Variants in HCN1 observed in about 807,000 individuals in gnomAD.
HCN1 encodes the protein hyperpolarization activated cyclic nucleotide gated potassium channel 1.
In HCN1, 13 loss-of-function variants were observed where a neutral mutation model predicts 78.9. The ratio of observed to expected loss-of-function variants is 0.16; its 90% CI spans 0.11 to 0.26. HCN1 has a LOEUF of 0.26. Among genes scored for constraint, HCN1 ranks in the 10% least tolerant of loss-of-function variants. The pLI, the probability that HCN1 is intolerant of heterozygous loss-of-function variation, is 1.00. For missense variants in HCN1, 810 were observed against 1,154.3 expected (o/e 0.70, Z 4.32); for synonymous variants, 552 against 455.5 (o/e 1.21, Z -2.70).
intron 6 of HCN1, among the ~76,000 whole-genome samples, chr5:45,302,913 C>A (rs1745656492): frequency 6.6e-6 from 1 of 152,028 alleles, no homozygotes; most frequent in South Asian, 2.1e-4. Context: ...TGCCATGATT[C>A]TGAGGCCTCC....
At chr5:45,421,197 G>A (rs955122952) in intron 3 of HCN1, among the ~76,000 whole-genome samples, 1 of 151,970 alleles carries the variant, frequency 6.6e-6, no homozygotes, top group African/African-American at 2.4e-5. Flanking sequence ...TGAGTAGCTG[G>A]GACTACAGGC....
intron 2 of HCN1, among the ~76,000 whole-genome samples, chr5:45,547,442 T>G (rs1000219912): frequency 1.3e-5 from 2 of 151,946 alleles, no homozygotes; most frequent in Non-Finnish European, 2.9e-5. Flanking sequence ...CATTTACTAC[T>G]AGCGGAGTAT....
At chr5:45,372,140 A>G (rs535737109) in intron 4 of HCN1, among the ~76,000 whole-genome samples, 1 of 53,686 alleles carries the variant, frequency 1.9e-5, no homozygotes, top group Non-Finnish European at 2.8e-5. Context: ...ATAATATAAT[A>G]ATATATTATA....
intron 2 of HCN1, among the ~76,000 whole-genome samples, chr5:45,491,621 A>T (rs79591892): frequency 0.096 from 14,599 of 152,102 alleles, 926 homozygotes; most frequent in Middle Eastern, 0.16. Flanking sequence ...TTCTGCCAGT[A>T]GTTTATGGGT....
intron 4 of HCN1, among the ~76,000 whole-genome samples, chr5:45,356,031 T>C (rs1365630728): frequency 6.6e-6 from 1 of 151,984 alleles, no homozygotes. Flanking sequence ...ATCACTTCCA[T>C]GTGATGTGAA....
chr5:45,373,546 C>T (rs1561129589), intron 4 of HCN1, among the ~76,000 whole-genome samples: 1 of 139,306 alleles, frequency 7.2e-6, no homozygotes, highest in Admixed American at 7.8e-5. Context: ...TATAGGTCAT[C>T]TATAATATAT....
chr5:45,389,990 A>G (rs1450339142), intron 4 of HCN1, among the ~76,000 whole-genome samples: 1 of 152,106 alleles, frequency 6.6e-6, no homozygotes, highest in African/African-American at 2.4e-5. Context: ...GCTATTTCAC[A>G]CTTTCCCCAG....
At chr5:45,348,058 A>C (rs1746788389) in intron 5 of HCN1, among the ~76,000 whole-genome samples, 1 of 152,270 alleles carries the variant, frequency 6.6e-6, no homozygotes, top group East Asian at 1.9e-4. Context: ...CAAGACACAT[A>C]ATTGTCAGAT....
At chr5:45,694,257 A>C (rs545589482) in intron 1 of HCN1, among the ~76,000 whole-genome samples, 1 of 152,214 alleles carries the variant, frequency 6.6e-6, no homozygotes, top group Non-Finnish European at 1.5e-5. Flanking sequence ...AGGTTTTATA[A>C]GTTCTCCTTT....
intron 3 of HCN1, among the ~76,000 whole-genome samples, chr5:45,418,107 A>C (rs1413811798): frequency 1.3e-5 from 2 of 151,938 alleles, no homozygotes; most frequent in Non-Finnish European, 2.9e-5. Context: ...AATTTTAGGA[A>C]AAAAGTAAAC....
intron 3 of HCN1, among the ~76,000 whole-genome samples, chr5:45,445,890 A>G (rs1043264735): frequency 1.9e-4 from 29 of 152,190 alleles, no homozygotes; most frequent in Admixed American, 6.6e-4. Flanking sequence ...CCATCTGTAC[A>G]TCACCATCAT....
intron 2 of HCN1, among the ~76,000 whole-genome samples, chr5:45,594,582 C>A (rs1030349615): frequency 1.3e-5 from 2 of 152,096 alleles, no homozygotes; most frequent in Non-Finnish European, 2.9e-5. Context: ...ATATCACAGT[C>A]AGCAATGTCA....
intron 3 of HCN1, among the ~76,000 whole-genome samples, chr5:45,451,933 T>A (rs913406980): frequency 6.6e-6 from 1 of 152,016 alleles, no homozygotes; most frequent in African/African-American, 2.4e-5. Flanking sequence ...ATACACATCA[T>A]TTGCTTTGAT....
chr5:45,296,348 C>A (rs1745493985), intron 6 of HCN1, among the ~76,000 whole-genome samples: 1 of 151,730 alleles, frequency 6.6e-6, no homozygotes, highest in African/African-American at 2.4e-5. Flanking sequence ...TAGAAAATCC[C>A]TATATATTTA....
chr5:45,429,872 T>C (rs1038171588), intron 3 of HCN1, among the ~76,000 whole-genome samples: 3 of 152,058 alleles, frequency 2.0e-5, no homozygotes, highest in Non-Finnish European at 4.4e-5. Flanking sequence ...GAAAGTAATT[T>C]TCATGGGGCA....
intron 2 of HCN1, among the ~76,000 whole-genome samples, chr5:45,545,297 GA>G (rs1294866751): frequency 6.6e-6 from 1 of 151,980 alleles, no homozygotes; most frequent in Non-Finnish European, 1.5e-5. Context: ...GGGGTTGTTT[GA>G]TTTTTTTCTT....
At chr5:45,378,142 CAG>C (rs1199824285) in intron 4 of HCN1, among the ~76,000 whole-genome samples, 1 of 151,622 alleles carries the variant, frequency 6.6e-6, no homozygotes, top group Non-Finnish European at 1.5e-5. Flanking sequence ...AAAAGAAACC[CAG>C]AGAGGCAAAT....
chr5:45,374,335 T>TTA (rs1378456278), intron 4 of HCN1, among the ~76,000 whole-genome samples: 275 of 138,620 alleles, frequency 2.0e-3, no homozygotes, highest in Admixed American at 3.3e-3. Context: ...ATTATATACA[T>TTA]TATATATATA....
intron 2 of HCN1, among the ~76,000 whole-genome samples, chr5:45,554,103 T>C (rs1278731914): frequency 6.6e-6 from 1 of 151,954 alleles, no homozygotes; most frequent in Non-Finnish European, 1.5e-5. Context: ...CCTTCACTGA[T>C]AGTTCATTGC....
Sources: gnomAD v4.1 joint callset for allele counts (sites outside exome capture counted in the v4.1 genomes callset) on GRCh38, gnomAD v4.1.1 for gene constraint, MANE v1.5 for transcripts, NCBI Gene and HGNC (gene_info 2026-07-23, HGNC 2026-07-21) for gene names.